CDH1: variants seen among roughly 807,000 people sequenced by gnomAD.
The protein encoded by CDH1 is cadherin 1, also known as cadherin-1.
CDH1 carries 35 observed loss-of-function variants against 84.5 expected under a neutral mutation model. The ratio of observed to expected loss-of-function variants is 0.41; its 90% confidence interval spans 0.32 to 0.55. The LOEUF is 0.55. CDH1 is among the 20% of genes least tolerant of loss of function. The pLI is 0.19. For missense variants in CDH1, 994 were observed against 1,126.6 expected, an observed-to-expected ratio of 0.88 and a Z score of 1.68; for synonymous variants, 417 against 439.0, an observed-to-expected ratio of 0.95 and a Z score of 0.63.
intron 2 of CDH1, among the ~76,000 whole-genome samples, chr16:68,786,534 C>CTTTCTT: frequency 1.4e-5 from 1 of 73,946 alleles, no homozygotes; most frequent in African/African-American, 5.9e-5. Context: ...TTTTTTTTTT[C>CTTTCTT]TTTTTTTTTT....
intron 15 of CDH1, among the ~76,000 whole-genome samples, chr16:68,831,772 C>T (rs1015914778): frequency 2.6e-5 from 4 of 152,076 alleles, no homozygotes; most frequent in African/African-American, 4.8e-5. Flanking sequence ...CTCCTGACCT[C>T]GGGTGATCTC....
intron 2 of CDH1, among the ~76,000 whole-genome samples, chr16:68,794,340 G>A (rs536970361): frequency 8.9e-4 from 135 of 151,996 alleles, no homozygotes; most frequent in African/African-American, 3.1e-3. Context: ...ATACCTGGCC[G>A]TGTCCATTAG....
intron 2 of CDH1, among the ~76,000 whole-genome samples, chr16:68,757,769 CCT>C (rs1355563384): frequency 2.7e-5 from 2 of 75,334 alleles, no homozygotes; most frequent in Non-Finnish European, 5.7e-5. Context: ...CTCTCTCTCT[CCT>C]TCCTTCCTTC....
chr16:68,760,780 G>A (rs1229021146), intron 2 of CDH1, among the ~76,000 whole-genome samples: 2 of 152,160 alleles, frequency 1.3e-5, no homozygotes, highest in African/African-American at 2.4e-5. Context: ...TTAGAATTCA[G>A]GTGGGGTGGG....
chr16:68,743,824 G>A (rs1441117796), intron 2 of CDH1, among the ~76,000 whole-genome samples: 1 of 152,214 alleles, frequency 6.6e-6, no homozygotes, highest in Non-Finnish European at 1.5e-5. Context: ...ATTTGACTTT[G>A]AATAAGTCAC....
intron 13 of CDH1, among the ~76,000 whole-genome samples, chr16:68,824,058 T>C (rs1323067603): frequency 7.0e-6 from 1 of 141,896 alleles, no homozygotes; most frequent in Non-Finnish European, 1.5e-5. Context: ...AGTGCAATGG[T>C]GTGATCTCAG....
At chr16:68,783,439 G>A (rs2152122357) in intron 2 of CDH1, among the ~76,000 whole-genome samples, 1 of 151,050 alleles carries the variant, frequency 6.6e-6, no homozygotes, top group Middle Eastern at 3.4e-3. Flanking sequence ...GTTTGTTTAT[G>A]TGAACATAGG....
intron 5 of CDH1, among the ~76,000 whole-genome samples, chr16:68,809,670 C>T (rs1015190097): frequency 5.3e-5 from 8 of 152,050 alleles, no homozygotes; most frequent in African/African-American, 1.9e-4. Context: ...AGACTAAAGG[C>T]GCAGGCCACC....
rs761383817 is a variant in CDH1, at chr16:68,829,944, TTTTTTTTTCTTTTTC to T, written c.2439+156_2439+170del. On this transcript the variant is annotated intron_variant, in intron 15 of 15. Coordinates refer to ENST00000261769, the MANE Select transcript of CDH1 (RefSeq NM_004360.5). ...CCCTGGAGCCCTGTTTTCCTTTTTCTTTTTTTTTCTTTTTCTTTTTTTTTTTTTTTGAGACGAAGT... is the reference window on the plus strand; with the variant it reads ...CCCTGGAGCCCTGTTTTCCTTTTTCTTTTTTTTTTTTTTTTGAGACGAAGT... The T allele has an allele frequency of 0.033, 24,377 of 734,660 alleles. 1,239 individuals carry two copies. Among genetic ancestry groups the T allele is most frequent in the African/African-American group, 0.23 (11,913 of 50,716 alleles). The allele number at this position is 734,660 out of a possible 1,614,324, so 45.5% of individuals were successfully genotyped here.
Position 68,737,437 on chromosome 16 carries a change from C to G in CDH1, c.22C>G (p.Leu8Val), listed in dbSNP as rs1234138761. 2 of 1,535,302 alleles carry G rather than the reference C, an allele frequency of 1.3e-6. No homozygotes were observed. The highest frequency in any genetic ancestry group is 1.7e-6 in the Non-Finnish European group (2 of 1,147,300). Residue 8 changes from leucine (L) to valine (V), a missense_variant, in exon 1 of 16, where the codon CTC becomes GTC. Coordinates refer to ENST00000261769, the MANE Select transcript of CDH1 (RefSeq NM_004360.5). The part of the protein sequence containing the change: MGPWSRS[L>V]SALLLLLQVS... ...AGCCATGGGCCCTTGGAGCCGCAGC[C>G]TCTCGGCGCTGCTGCTGCTGCTGCA...
intron 2 of CDH1, among the ~76,000 whole-genome samples, chr16:68,789,543 T>C (rs1015984841): frequency 9.9e-5 from 15 of 152,044 alleles, no homozygotes; most frequent in Non-Finnish European, 2.2e-4. Flanking sequence ...GTAACAGCTT[T>C]ATCGAAACAT....
intron 2 of CDH1, among the ~76,000 whole-genome samples, chr16:68,759,256 G>A (rs1238780608): frequency 2.0e-5 from 3 of 151,988 alleles, no homozygotes; most frequent in Admixed American, 2.0e-4. Flanking sequence ...CCAACACTTT[G>A]GGAGGCCAAG....
chr16:68,781,362 T>C (rs1959872881), intron 2 of CDH1, among the ~76,000 whole-genome samples: 1 of 152,130 alleles, frequency 6.6e-6, no homozygotes, highest in South Asian at 2.1e-4. Context: ...TTTTTAGAGT[T>C]AGGGTCTCAC....
chr16:68,760,913 G>C (rs1959214972), intron 2 of CDH1, among the ~76,000 whole-genome samples: 1 of 152,200 alleles, frequency 6.6e-6, no homozygotes, highest in African/African-American at 2.4e-5. Context: ...TGTTGGCTGA[G>C]AGGGGGATGC....
At chr16:68,770,529 G>C (rs1484547150) in intron 2 of CDH1, among the ~76,000 whole-genome samples, 2 of 152,004 alleles carry the variant, frequency 1.3e-5, no homozygotes, top group African/African-American at 2.4e-5. Flanking sequence ...CACCTTCAGG[G>C]AACGTGGCAA....
intron 2 of CDH1, among the ~76,000 whole-genome samples, chr16:68,748,304 G>T (rs1234188309): frequency 1.3e-5 from 2 of 149,238 alleles, no homozygotes; most frequent in Non-Finnish European, 3.0e-5. Flanking sequence ...TAGAGACAGG[G>T]TTTCTCCATG....
chr16:68,737,817 C>A (rs1397573620), intron 1 of CDH1, among the ~76,000 whole-genome samples: 1 of 151,968 alleles, frequency 6.6e-6, no homozygotes, highest in East Asian at 1.9e-4. Flanking sequence ...GAGGGGGAGC[C>A]AGGAGTCGTG....
At chr16:68,744,944 G>A (rs141812003) in intron 2 of CDH1, among the ~76,000 whole-genome samples, 4 of 152,270 alleles carry the variant, frequency 2.6e-5, no homozygotes, top group Admixed American at 6.5e-5. Flanking sequence ...TCTGTGTTAA[G>A]CAAACAGTGC....
chr16:68,798,056 G>A (rs749039357), intron 2 of CDH1, among the ~76,000 whole-genome samples: 2 of 151,142 alleles, frequency 1.3e-5, no homozygotes, highest in Non-Finnish European at 2.9e-5. Context: ...TCCAGCCTGG[G>A]TGACAGAGTG....
Sources: allele counts gnomAD v4.1 joint callset (sites outside exome capture counted in the v4.1 genomes callset), GRCh38; gene constraint gnomAD v4.1.1; transcripts MANE v1.5; gene names NCBI Gene and HGNC (gene_info 2026-07-23, HGNC 2026-07-21).